The following DHRSX variants were observed in gnomAD, a reference collection of about 807,000 sequenced individuals.
DHRSX encodes dehydrogenase/reductase X-linked.
In DHRSX, 31 loss-of-function variants were observed where a neutral mutation model predicts 34.0. The observed-to-expected ratio is 0.91, with a 90% CI of 0.69 to 1.23. The LOEUF is 1.23. DHRSX is among the 50% of genes most tolerant of loss of function. The probability of loss-of-function intolerance (pLI) is 0.00; values close to 1 mark genes in which losing one functional copy is unlikely to be tolerated. For missense variants in DHRSX, 414 were observed against 428.1 expected, an observed-to-expected ratio of 0.97 and a Z score of 0.29; for synonymous variants, 201 against 183.8, an observed-to-expected ratio of 1.09 and a Z score of -0.76.
intron 1 of DHRSX, among the ~76,000 whole-genome samples, chrX:2,456,409 T>G (rs6641739): frequency 0.13 from 19,773 of 149,970 alleles, 1,541 homozygotes; most frequent in East Asian, 0.29. Flanking sequence ...AGGTCAGGAG[T>G]TCAAGACCAG....
At chrX:2,272,352 G>A (rs1206529679) in intron 4 of DHRSX, among the ~76,000 whole-genome samples, 1 of 152,066 alleles carries the variant, frequency 6.6e-6, no homozygotes, top group African/African-American at 2.4e-5. Context: ...ATGAACACCT[G>A]GCTTATGCAT....
chrX:2,241,364 A>C (rs2016137592), intron 6 of DHRSX, among the ~76,000 whole-genome samples: 1 of 152,182 alleles, frequency 6.6e-6, no homozygotes, highest in South Asian at 2.1e-4. Flanking sequence ...AGAAGCCTCA[A>C]GATCTCTCTA....
In DHRSX at chrX:2,221,003, T is replaced by A; in HGVS notation, c.*38A>T. The A allele has an allele frequency of 6.3e-7, 1 of 1,599,630 alleles. No homozygotes were observed. Among genetic ancestry groups the A allele is most frequent in the Non-Finnish European group, 8.5e-7 (1 of 1,170,836 alleles). On this transcript the variant is annotated 3_prime_UTR_variant, in exon 7 of 7. Transcript: ENST00000334651. ...ACCCACAAGCTATTGGCAGGTGCAA[T>A]GTGTTTCTTGGGGCAGCAGCTATCC...
intron 1 of DHRSX, among the ~76,000 whole-genome samples, chrX:2,479,210 TG>T (rs1005734188): frequency 2.0e-5 from 3 of 151,306 alleles, no homozygotes; most frequent in East Asian, 3.9e-4. Flanking sequence ...ACTCCCACCC[TG>T]TGCACACTGA....
chrX:2,448,172 CAT>C (rs1172816097), intron 1 of DHRSX, among the ~76,000 whole-genome samples: 39,392 of 144,660 alleles, frequency 0.27, 5,850 homozygotes, highest in South Asian at 0.4. Flanking sequence ...ATCCCATCTA[CAT>C]AAAAAATTTA....
chrX:2,469,231 G>A (rs184096193), intron 1 of DHRSX, among the ~76,000 whole-genome samples: 1 of 148,804 alleles, frequency 6.7e-6, no homozygotes, highest in East Asian at 2.0e-4. Flanking sequence ...TGTGGCCAAG[G>A]GACCGCACTG....
chrX:2,317,864 T>A (rs1332937824), intron 3 of DHRSX, among the ~76,000 whole-genome samples: 1 of 152,110 alleles, frequency 6.6e-6, no homozygotes, highest in Non-Finnish European at 1.5e-5. Flanking sequence ...TCATTTCTAG[T>A]CTTATCTTTG....
At chrX:2,255,304 A>G (rs927269913) in intron 5 of DHRSX, among the ~76,000 whole-genome samples, 1 of 152,160 alleles carries the variant, frequency 6.6e-6, no homozygotes, top group Admixed American at 6.6e-5. Flanking sequence ...TTTCGCTCAT[A>G]GACACATAGT....
intron 1 of DHRSX, chrX:2,489,234 G>T (rs750105889): frequency 2.5e-6 from 4 of 1,613,782 alleles, no homozygotes; most frequent in Admixed American, 1.7e-5. Flanking sequence ...TCCACCACGC[G>T]ATTCTCCACC....
intron 3 of DHRSX, among the ~76,000 whole-genome samples, chrX:2,377,027 G>A (rs7063483): frequency 0.73 from 109,716 of 151,014 alleles, 40,060 homozygotes; most frequent in East Asian, 0.78. Context: ...GAACACTGTG[G>A]CATAGAGACA....
chrX:2,477,914 C>T (rs4892925), intron 1 of DHRSX, among the ~76,000 whole-genome samples: 2,581 of 152,162 alleles, frequency 0.017, 49 homozygotes, highest in East Asian at 0.084. Flanking sequence ...CCTTCCACCC[C>T]GGGCCCGGGA....
chrX:2,369,906 G>A (rs944579974), intron 3 of DHRSX, among the ~76,000 whole-genome samples: 61 of 152,206 alleles, frequency 4.0e-4, no homozygotes, highest in African/African-American at 1.5e-3. Flanking sequence ...GCCTTCCAAA[G>A]TGCTGGGATT....
rs189219374 is a variant in DHRSX at position 2,265,689 on chromosome X, G to T, written c.596+1051C>A. On this transcript the variant is annotated intron_variant, in intron 5 of 6. Coordinates refer to ENST00000334651, the MANE Select transcript of DHRSX (RefSeq NM_145177.3). ...CCCAGAGCACCAGTGCTCGGCAGAC[G>T]CAGGGAGCACTGTCCCCAGAGCACC... is the stretch of plus-strand genomic sequence containing the variant. Among the ~76,000 whole-genome samples, 497 of 137,772 alleles carry T rather than the reference G, an allele frequency of 3.6e-3. 1 individual carries two copies. Among genetic ancestry groups the T allele is most frequent in the Non-Finnish European group, 6.0e-3 (379 of 63,400 alleles). The allele number at this position is 137,772 out of a possible 152,430, so 90.4% of individuals were successfully genotyped here.
intron 3 of DHRSX, among the ~76,000 whole-genome samples, chrX:2,402,707 A>T (rs1157386929): frequency 5.2e-5 from 4 of 76,570 alleles, no homozygotes; most frequent in Admixed American, 1.2e-4. Context: ...TTTTTCTTTT[A>T]AAAAAAAAAA....
At chrX:2,419,838 G>T in intron 2 of DHRSX, among the ~76,000 whole-genome samples, 1 of 125,916 alleles carries the variant, frequency 7.9e-6, no homozygotes, top group African/African-American at 3.0e-5. Flanking sequence ...GGAGGGGGGA[G>T]GGATAGCATT....
intron 4 of DHRSX, among the ~76,000 whole-genome samples, chrX:2,288,148 TGAGA>T (rs1569484153): frequency 3.3e-5 from 5 of 150,236 alleles, no homozygotes; most frequent in Non-Finnish European, 7.4e-5. Context: ...GAAGGCAAGA[TGAGA>T]GAGAGAAAGA....
intron 1 of DHRSX, among the ~76,000 whole-genome samples, chrX:2,465,535 GCTGACAC>G (rs1435344516): frequency 2.0e-5 from 3 of 152,050 alleles, no homozygotes; most frequent in African/African-American, 7.3e-5. Flanking sequence ...AGGCACCGTG[GCTGACAC>G]CTGTCATCCG....
chrX:2,458,800 G>C (rs1422208513), intron 1 of DHRSX, among the ~76,000 whole-genome samples: 2 of 151,786 alleles, frequency 1.3e-5, no homozygotes, highest in Non-Finnish European at 1.5e-5. Flanking sequence ...GAGTTTGAGA[G>C]AAGCCTGGGC....
At chrX:2,482,360 T>C (rs1179631524) in intron 1 of DHRSX, among the ~76,000 whole-genome samples, 1 of 151,788 alleles carries the variant, frequency 6.6e-6, no homozygotes, top group African/African-American at 2.4e-5. Context: ...AACCCCTGAG[T>C]TCAAGTGATC....
Sources: gnomAD v4.1 joint callset for allele counts (sites outside exome capture counted in the v4.1 genomes callset) on GRCh38, gnomAD v4.1.1 for gene constraint, MANE v1.5 for transcripts, NCBI Gene and HGNC (gene_info 2026-07-23, HGNC 2026-07-21) for gene names.